Variants in FGF2 observed in about 807,000 individuals in gnomAD.
The protein encoded by FGF2 is basic fibroblast growth factor bFGF.
In FGF2, 13 loss-of-function variants were observed where a neutral mutation model predicts 15.9. The ratio of observed to expected loss-of-function variants is 0.82; its 90% confidence interval spans 0.53 to 1.30. FGF2 has a LOEUF of 1.30. FGF2 is among the 50% of genes most tolerant of loss of function. The pLI is 0.00. For missense variants in FGF2, 163 were observed against 196.9 expected (o/e 0.83, Z 1.03); for synonymous variants, 90 against 78.4 (o/e 1.15, Z -0.78).
chr4:122,894,714 T>C lies in FGF2; in HGVS notation c.*2318T>C. 1 of 152,232 alleles carries C rather than the reference T, an allele frequency of 6.6e-6. No homozygotes were observed. 9.4% of individuals were successfully genotyped at this position (152,232 alleles called of 1,614,324 possible). A position where few individuals can be genotyped will look rare whatever the true frequency, so the allele number is the denominator to read the frequency against. ...ATTGTATAAAATATCCCCTAACATG[T>C]TTAAATGTCCATTTTTATTCATTAT... On this transcript the variant is annotated 3_prime_UTR_variant, in exon 3 of 3. Transcript: ENST00000644866.
At chr4:122,880,245 CTTT>C (rs569559456) in intron 2 of FGF2, among the ~76,000 whole-genome samples, 8 of 128,676 alleles carry the variant, frequency 6.2e-5, no homozygotes, top group Admixed American at 1.6e-4. Context: ...GCAGTCAAAT[CTTT>C]TTTTTTTTTT....
intron 2 of FGF2, among the ~76,000 whole-genome samples, chr4:122,881,379 A>G (rs1163128655): frequency 6.6e-6 from 1 of 152,122 alleles, no homozygotes; most frequent in East Asian, 1.9e-4. Context: ...CCAAACTTTT[A>G]TGCTCTCCTT....
In FGF2 at chr4:122,894,195, A is replaced by C. The variant is rs1018056666; in HGVS notation, c.*1799A>C. ...CATAGAAAGAGTATAATGTTTTAAA[A>C]CATAAGGCATTTGTCTGCCATTTTT... On this transcript the variant is annotated 3_prime_UTR_variant, in exon 3 of 3. Coordinates refer to ENST00000644866, the MANE Select transcript of FGF2 (RefSeq NM_001361665.2). 1 of 152,238 alleles carries C rather than the reference A, an allele frequency of 6.6e-6. No individual in the cohort carries two copies. The highest frequency in any genetic ancestry group is 6.5e-5 in the Admixed American group (1 of 15,282). 9.4% of individuals were successfully genotyped at this position (152,238 alleles called of 1,614,324 possible). A position where few individuals can be genotyped will look rare whatever the true frequency, so the allele number is the denominator to read the frequency against.
In FGF2 at chr4:122,827,574, A is replaced by G. The variant is rs539693259; in HGVS notation, c.178+222A>G. ...GTCCCCTGGGCTTTGGGGTGTGCCA[A>G]TTTGCCCTGTAAACCAGTACCCCCG... On this transcript the variant is annotated intron_variant, in intron 1 of 2. Coordinates refer to ENST00000644866, the MANE Select transcript of FGF2 (RefSeq NM_001361665.2). The surrounding 1 kb of genome is among the most constrained non-coding windows in gnomAD (Gnocchi z 4.2). 2.6e-5 allele frequency among the ~76,000 whole-genome samples: 4 copies of G among 151,640 alleles called. No homozygotes were observed. Among genetic ancestry groups the G allele is most frequent in the South Asian group, 2.1e-4 (1 of 4,794 alleles).
chr4:122,844,666 C>T (rs1726073266), intron 1 of FGF2, among the ~76,000 whole-genome samples: 1 of 138,960 alleles, frequency 7.2e-6, no homozygotes, highest in Non-Finnish European at 1.5e-5. Flanking sequence ...TGACTGGGAC[C>T]TACTCTGTCA....
rs907765347 is a variant in FGF2, at chr4:122,898,069, A to G, written c.*5673A>G. 3.0e-5 allele frequency: 5 copies of G among 166,756 alleles called. 1 individual carries two copies. The highest frequency in any genetic ancestry group is 4.8e-5 in the African/African-American group (2 of 41,720). The allele number at this position is 166,756 out of a possible 1,614,324, so 10.3% of individuals were successfully genotyped here. On this transcript the variant is annotated 3_prime_UTR_variant, in exon 3 of 3. Coordinates refer to ENST00000644866, the MANE Select transcript of FGF2 (RefSeq NM_001361665.2). The stretch of plus-strand genomic sequence containing the variant: ...TAAATAAGTAGAAAATATAAATTTC[A>G]TCACTAAAATATGCTATTTTAAAAT...
At chr4:122,874,568 G>A (rs570341248) in intron 1 of FGF2, among the ~76,000 whole-genome samples, 100 of 152,148 alleles carry the variant, frequency 6.6e-4, no homozygotes, top group Middle Eastern at 3.4e-3. Flanking sequence ...ATGAAATCCT[G>A]TGCTTCTAAT....
intron 1 of FGF2, among the ~76,000 whole-genome samples, chr4:122,847,182 A>C (rs308417): frequency 0.14 from 21,343 of 152,214 alleles, 1,863 homozygotes; most frequent in South Asian, 0.25. Context: ...GGCAAAGCAC[A>C]CCAAAAATCT....
chr4:122,866,102 G>T (rs1435976764), intron 1 of FGF2, among the ~76,000 whole-genome samples: 3 of 152,202 alleles, frequency 2.0e-5, no homozygotes, highest in Non-Finnish European at 4.4e-5. Context: ...GGGCGCGGTG[G>T]CTCATGCCTG....
chr4:122,882,539 ATG>A (rs1726980487), intron 2 of FGF2: 1 of 152,240 alleles, frequency 6.6e-6, no homozygotes, highest in African/African-American at 2.4e-5. Flanking sequence ...TTAGTCTTAA[ATG>A]TGTTTCTATC....
chr4:122,849,455 G>A (rs139379026), intron 1 of FGF2, among the ~76,000 whole-genome samples: 1 of 152,062 alleles, frequency 6.6e-6, no homozygotes, highest in African/African-American at 2.4e-5. Flanking sequence ...CTGTCAGGGG[G>A]TGGGGGGCTA....
chr4:122,868,060 T>G (rs796260940), intron 1 of FGF2, among the ~76,000 whole-genome samples: 2 of 152,366 alleles, frequency 1.3e-5, no homozygotes, highest in African/African-American at 4.8e-5. Flanking sequence ...TTTCATCTTG[T>G]TGACAATTGT....
intron 1 of FGF2, chr4:122,840,630 A>T: frequency 5.4e-6 from 1 of 185,330 alleles, no homozygotes; most frequent in Admixed American, 5.1e-5. Context: ...CGAACCAAAT[A>T]CCCCGATCCC....
chr4:122,876,508 A>G, intron 2 of FGF2, 84 bp downstream of exon 2: 1 of 878,464 alleles, frequency 1.1e-6, no homozygotes, highest in Non-Finnish European at 1.9e-6. Context: ...TCAAATCTTT[A>G]TAAAGGATTT....
intron 1 of FGF2, among the ~76,000 whole-genome samples, chr4:122,857,417 G>A (rs996930422): frequency 3.9e-5 from 6 of 152,114 alleles, no homozygotes; most frequent in African/African-American, 1.4e-4. Context: ...ATTGCGCCTG[G>A]AGCTTCTGGA....
intron 1 of FGF2, among the ~76,000 whole-genome samples, chr4:122,863,059 C>A (rs1323429591): frequency 1.3e-5 from 2 of 152,088 alleles, no homozygotes; most frequent in African/African-American, 4.8e-5. Context: ...CAGAAAATCA[C>A]GTTTAAAAAT....
intron 2 of FGF2, among the ~76,000 whole-genome samples, chr4:122,885,383 T>C (rs72674916): frequency 0.021 from 3,262 of 152,304 alleles, 60 homozygotes; most frequent in Non-Finnish European, 0.035. Context: ...TAAAGTGATA[T>C]GTATATATGA....
chr4:122,854,767 T>C (rs1047483715), intron 1 of FGF2, among the ~76,000 whole-genome samples: 1 of 152,206 alleles, frequency 6.6e-6, no homozygotes, highest in African/African-American at 2.4e-5. Flanking sequence ...GCTGCAGTAA[T>C]GCTCGTCATT....
In FGF2 at chr4:122,876,436, TTC is replaced by T. The variant is rs1726847692; in HGVS notation, c.282+14_282+15del. 1.9e-6 allele frequency: 3 copies of T among 1,544,048 alleles called. No individual in the cohort carries two copies. The highest frequency in any genetic ancestry group is 1.1e-5 in the South Asian group (1 of 89,598). The stretch of plus-strand genomic sequence containing the variant: ...GATTACTGGCTTCTGTAAGCATACT[TTC>T]TGTTTTCACACGTTTTTTGTTAGCT... On this transcript the variant is annotated intron_variant, in intron 2 of 2. Transcript: ENST00000644866.
Sources: allele counts gnomAD v4.1 joint callset (sites outside exome capture counted in the v4.1 genomes callset), GRCh38; gene constraint gnomAD v4.1.1; non-coding constraint Gnocchi (gnomAD v3.1); transcripts MANE v1.5; gene names NCBI Gene and HGNC (gene_info 2026-07-23, HGNC 2026-07-21).